ATXN1: variants seen among roughly 807,000 people sequenced by gnomAD.
ATXN1 encodes ataxin-1.
ATXN1 carries 8 observed loss-of-function variants against 56.4 expected under a neutral mutation model. The ratio of observed to expected loss-of-function variants is 0.14; its 90% CI spans 0.08 to 0.26. The LOEUF (loss-of-function observed/expected upper bound fraction) is 0.26. Among genes scored for constraint, ATXN1 ranks in the 10% least tolerant of loss-of-function variants. The pLI is 1.00. For missense variants in ATXN1, 987 were observed against 1,106.5 expected, an observed-to-expected ratio of 0.89 and a Z score of 1.53; for synonymous variants, 514 against 494.6, an observed-to-expected ratio of 1.04 and a Z score of -0.52.
chr6:16,689,631 A>T (rs999272262), intron 2 of ATXN1, among the ~76,000 whole-genome samples: 2 of 147,674 alleles, frequency 1.4e-5, no homozygotes, highest in Admixed American at 7.0e-5. Context: ...TTTTTAATTG[A>T]CAAATAATAA....
intron 2 of ATXN1, among the ~76,000 whole-genome samples, chr6:16,731,282 G>T (rs1190647397): frequency 2.0e-5 from 3 of 151,846 alleles, no homozygotes; most frequent in Admixed American, 2.0e-4. Context: ...CGTATTAACA[G>T]AGCCAGGGAA....
intron 4 of ATXN1, among the ~76,000 whole-genome samples, chr6:16,573,180 C>T (rs995395199): frequency 1.3e-5 from 2 of 152,174 alleles, no homozygotes. Context: ...TAAGCAGATG[C>T]TGTGTTGACA....
intron 3 of ATXN1, among the ~76,000 whole-genome samples, chr6:16,626,540 C>T (rs1763410171): frequency 6.6e-6 from 1 of 152,150 alleles, no homozygotes; most frequent in Non-Finnish European, 1.5e-5. Flanking sequence ...GATGTGCCCA[C>T]CCACCTCGGC....
intron 6 of ATXN1, among the ~76,000 whole-genome samples, chr6:16,479,214 A>AC (rs1760387862): frequency 6.6e-6 from 1 of 152,218 alleles, no homozygotes; most frequent in South Asian, 2.1e-4. Context: ...AAATACAAAA[A>AC]AAAATTGCTC....
chr6:16,368,914 T>C (rs910824870), intron 6 of ATXN1, among the ~76,000 whole-genome samples: 2 of 152,234 alleles, frequency 1.3e-5, no homozygotes, highest in Admixed American at 1.3e-4. Flanking sequence ...TATCTTTACT[T>C]CAATATGTGT....
intron 1 of ATXN1, among the ~76,000 whole-genome samples, chr6:16,757,763 G>A (rs1388167000): frequency 2.1e-4 from 11 of 52,758 alleles, no homozygotes; most frequent in Non-Finnish European, 3.7e-4. Context: ...ACTCCCCCCC[G>A]CCCGCCCCCT....
intron 6 of ATXN1, among the ~76,000 whole-genome samples, chr6:16,387,143 T>C (rs1758258167): frequency 1.3e-5 from 2 of 152,230 alleles, no homozygotes; most frequent in South Asian, 2.1e-4. Context: ...AATCTCTGAA[T>C]GACAGATTGA....
intron 4 of ATXN1, among the ~76,000 whole-genome samples, chr6:16,549,804 G>A (rs908113374): frequency 2.0e-5 from 3 of 146,584 alleles, no homozygotes; most frequent in Non-Finnish European, 4.5e-5. Context: ...GGCTCAGGCA[G>A]TAGAATAACT....
intron 2 of ATXN1, chr6:16,738,682 C>G (rs1463239838): frequency 6.6e-6 from 1 of 152,164 alleles, no homozygotes; most frequent in Non-Finnish European, 1.5e-5. Flanking sequence ...CAGGCACTGG[C>G]CCTGGCTTAG....
At chr6:16,612,766 C>G (rs1336367702) in intron 3 of ATXN1, among the ~76,000 whole-genome samples, 1 of 151,816 alleles carries the variant, frequency 6.6e-6, no homozygotes, top group African/African-American at 2.4e-5. Flanking sequence ...TGGCACGCAC[C>G]TGTAGTCCCA....
intron 6 of ATXN1, among the ~76,000 whole-genome samples, chr6:16,427,762 C>G (rs1015999992): frequency 2.0e-5 from 3 of 152,220 alleles, no homozygotes; most frequent in Non-Finnish European, 2.9e-5. Flanking sequence ...ACAGTGCACA[C>G]AGGCACATGC....
chr6:16,371,667 C>T (rs1762045546), intron 6 of ATXN1, among the ~76,000 whole-genome samples: 1 of 152,188 alleles, frequency 6.6e-6, no homozygotes, highest in Admixed American at 6.5e-5. Context: ...ATCCTCCCAT[C>T]TCAGCTTCCT....
intron 6 of ATXN1, among the ~76,000 whole-genome samples, chr6:16,336,233 C>T (rs796501506): frequency 1.2e-4 from 19 of 152,310 alleles, no homozygotes; most frequent in African/African-American, 4.6e-4. Context: ...TCTTAGTCTA[C>T]CCAACCATGA....
At position 16,335,754 on chromosome 6, in the gene ATXN1, T is replaced by C. The variant is rs556367685; in HGVS notation, c.-160-7284A>G. 4.6e-5 allele frequency among the ~76,000 whole-genome samples: 7 copies of C among 152,238 alleles called. No individual in the cohort carries two copies. The South Asian group carries it at 1.5e-3, about 32-fold the overall frequency. On this transcript the variant is annotated intron_variant, in intron 6 of 7. Transcript: ENST00000436367. ...CCCTCAATTCAAAGACAAATGTCCT[T>C]ATAAGAGAAAGGCAGAGAAAGATGT... is the stretch of plus-strand genomic sequence containing the variant.
chr6:16,549,976 A>G (rs1167388463), intron 4 of ATXN1, among the ~76,000 whole-genome samples: 2 of 146,032 alleles, frequency 1.4e-5, no homozygotes, highest in Admixed American at 1.4e-4. Flanking sequence ...ACACATGGAC[A>G]CAGGAAGGGG....
At chr6:16,448,894 C>G (rs10484362) in intron 6 of ATXN1, among the ~76,000 whole-genome samples, 3 of 151,988 alleles carry the variant, frequency 2.0e-5, no homozygotes, top group Non-Finnish European at 4.4e-5. Flanking sequence ...GGCTCTACAT[C>G]TTCAAGATTT....
Position 16,317,871 on chromosome 6 carries a change from T to C in ATXN1, c.1917+8523A>G, listed in dbSNP as rs185632632. Among the ~76,000 whole-genome samples the C allele has an allele frequency of 6.7e-4, 102 of 152,316 alleles. 1 individual carries two copies. Among genetic ancestry groups the C allele is most frequent in the African/African-American group, 1.6e-3 (65 of 41,572 alleles). ...GAACTGTCACCTCCAACTCCCATTT[T>C]GGATGGACGAACCTAGACAGGGAGA... On this transcript the variant is annotated intron_variant, in intron 7 of 7. Coordinates refer to ENST00000436367, the MANE Select transcript of ATXN1 (RefSeq NM_001128164.2).
chr6:16,597,734 C>G (rs1375922562), intron 3 of ATXN1, among the ~76,000 whole-genome samples: 1 of 152,210 alleles, frequency 6.6e-6, no homozygotes, highest in East Asian at 1.9e-4. Flanking sequence ...AGCCACCATG[C>G]CTGGCCTAAA....
At chr6:16,318,358 G>A (rs967987584) in intron 7 of ATXN1, among the ~76,000 whole-genome samples, 1 of 152,038 alleles carries the variant, frequency 6.6e-6, no homozygotes, top group Non-Finnish European at 1.5e-5. Flanking sequence ...GTTTTTTGGC[G>A]AAATTATTAA....
Sources: allele counts gnomAD v4.1 joint callset (sites outside exome capture counted in the v4.1 genomes callset), GRCh38; gene constraint gnomAD v4.1.1; transcripts MANE v1.5; gene names NCBI Gene and HGNC (gene_info 2026-07-23, HGNC 2026-07-21).